Variants in FRMD8 observed in about 807,000 individuals in gnomAD.
FRMD8 encodes the protein FERM domain containing 8, also known as FERM domain-containing protein 8.
FRMD8 carries 37 observed loss-of-function variants against 54.2 expected under a neutral mutation model. The ratio of observed to expected loss-of-function variants is 0.68; its 90% confidence interval spans 0.53 to 0.90. The LOEUF (loss-of-function observed/expected upper bound fraction) is 0.90. FRMD8 is among the 40% of genes least tolerant of loss of function. FRMD8 has a pLI of 0.00. For synonymous variants in FRMD8, 246 were observed against 286.9 expected (o/e 0.86, Z 1.44); for missense variants, 585 against 653.7 (o/e 0.89, Z 1.15).
chr11:65,385,879 C>T (rs1179972464), upstream of FRMD8, among the ~76,000 whole-genome samples: 4 of 151,814 alleles, frequency 2.6e-5, no homozygotes, highest in Non-Finnish European at 5.9e-5. Context: ...ACTGCAGGCT[C>T]CGCCCCCTGG....
At chr11:65,389,087 G>A (rs778338541) in intron 2 of FRMD8, among the ~76,000 whole-genome samples, 1 of 152,162 alleles carries the variant, frequency 6.6e-6, no homozygotes, top group Non-Finnish European at 1.5e-5. Flanking sequence ...GGGGGATTGC[G>A]GTGGGGCTGG....
At chr11:65,394,542 GC>G (rs1855910029) in intron 6 of FRMD8, 117 bp downstream of exon 6, 2 of 1,272,826 alleles carry the variant, frequency 1.6e-6, no homozygotes, top group African/African-American at 3.0e-5. Flanking sequence ...GAGTCAGGAG[GC>G]CTCAGCCCCG....
intron 3 of FRMD8, among the ~76,000 whole-genome samples, chr11:65,391,028 G>C (rs911417388): frequency 6.6e-6 from 1 of 152,210 alleles, no homozygotes; most frequent in Non-Finnish European, 1.5e-5. Flanking sequence ...CTTTTCCCCC[G>C]GCCCCTGCAC....
chr11:65,401,152 C>T (rs1193174805), intron 9 of FRMD8, among the ~76,000 whole-genome samples: 2 of 152,086 alleles, frequency 1.3e-5, no homozygotes, highest in Non-Finnish European at 2.9e-5. Context: ...GACCAGCCTG[C>T]ACCCTCCCCT....
At chr11:65,397,371 C>A (rs764335165) in intron 7 of FRMD8, among the ~76,000 whole-genome samples, 2 of 152,214 alleles carry the variant, frequency 1.3e-5, no homozygotes, top group African/African-American at 4.8e-5. Flanking sequence ...CACTGGAGGT[C>A]CCCCTGAGCC....
rs138836971 is a variant in FRMD8 at position 65,405,059 on chromosome 11, G to A, written c.1267G>A (p.Val423Met). ...RIQHLSTIDY[V>M]EDGKGIRRVK... Reference sequence around the variant, plus strand: ...CCAGCATCTCTCCACCATCGACTACGTGGAGGACGGTGAGCAGCCCTTCTG... The same window carrying A: ...CCAGCATCTCTCCACCATCGACTACATGGAGGACGGTGAGCAGCCCTTCTG... The change falls in exon 10 of 11, where the codon GTG (valine) becomes ATG (methionine). Residue 423 changes from valine to methionine, a missense_variant. Val to Met is a conservative substitution (Grantham distance 21). Transcript: ENST00000317568. The A allele has an allele frequency of 2.2e-5, 36 of 1,613,436 alleles. No individual in the cohort carries two copies. Among genetic ancestry groups the A allele is most frequent in the African/African-American group, 1.9e-4 (14 of 75,072 alleles).
At chr11:65,398,037 G>A (rs932512899) in intron 7 of FRMD8, among the ~76,000 whole-genome samples, 1 of 152,016 alleles carries the variant, frequency 6.6e-6, no homozygotes, top group Non-Finnish European at 1.5e-5. Flanking sequence ...CACTATGCAC[G>A]GCTAATTTTT....
chr11:65,402,632 C>G (rs1159327832), intron 9 of FRMD8, among the ~76,000 whole-genome samples: 1 of 151,872 alleles, frequency 6.6e-6, no homozygotes, highest in East Asian at 1.9e-4. Flanking sequence ...ATCCACCCCC[C>G]AAAAAAAGGC....
intron 8 of FRMD8, 56 bp downstream of exon 8, chr11:65,399,915 G>A (rs1856037017): frequency 1.9e-6 from 3 of 1,568,186 alleles, no homozygotes; most frequent in Non-Finnish European, 2.6e-6. Flanking sequence ...CCTGACTCAG[G>A]TCTTCCTGGT....
chr11:65,399,811 T>C lies in FRMD8; in HGVS notation c.879T>C (p.Ser293=), dbSNP rs374112194. The change falls in exon 8 of 11, where the codon TCT becomes TCC. Residue 293 remains serine, a synonymous_variant. Coordinates refer to ENST00000317568, the MANE Select transcript of FRMD8 (RefSeq NM_031904.5). ...ACCGGGGTGGGCGCAAGCCAGTTTCTGTGGCCATCAGTCTGGAAGGCGTGC... is the reference window on the plus strand; with the variant it reads ...ACCGGGGTGGGCGCAAGCCAGTTTCCGTGGCCATCAGTCTGGAAGGCGTGC... ...FLHRGGRKPV[S]VAISLEGVHV... 2.3e-5 allele frequency: 37 copies of C among 1,613,934 alleles called. No homozygotes were observed. The highest frequency in any genetic ancestry group is 8.5e-7 in the Non-Finnish European group (1 of 1,179,970).
intron 7 of FRMD8, 149 bp from the exon 8 acceptor site, chr11:65,399,587 C>G (rs1229910381): frequency 4.4e-6 from 4 of 917,784 alleles, no homozygotes; most frequent in Non-Finnish European, 6.4e-6. Flanking sequence ...CGAAGCCTCC[C>G]CTTCATCCCA....
At chr11:65,399,239 C>T (rs1415953514) in intron 7 of FRMD8, among the ~76,000 whole-genome samples, 1 of 151,994 alleles carries the variant, frequency 6.6e-6, no homozygotes, top group Non-Finnish European at 1.5e-5. Context: ...GACCTCATGA[C>T]CCGCCTGCCT....
At chr11:65,391,700 G>A (rs1011871039) in intron 3 of FRMD8, among the ~76,000 whole-genome samples, 12 of 151,996 alleles carry the variant, frequency 7.9e-5, no homozygotes, top group East Asian at 1.9e-4. Flanking sequence ...TAGTAGAGAC[G>A]GGGTTTTCCC....
In FRMD8 at chr11:65,411,414, C is replaced by T; in HGVS notation, c.*54C>T. The T allele has an allele frequency of 3.3e-6, 4 of 1,228,200 alleles. No homozygotes were observed. The highest frequency in any genetic ancestry group is 4.5e-6 in the Non-Finnish European group (4 of 890,606). 76.1% of individuals were successfully genotyped at this position (1,228,200 alleles called of 1,614,324 possible). The stretch of plus-strand genomic sequence containing the variant: ...ACTGGGGGCCCTGGCCCGGCACTGT[C>T]CTCCTGAGGGGCAGGCGCCGGCTGC... On this transcript the variant is annotated 3_prime_UTR_variant, in exon 11 of 11. Transcript: ENST00000317568.
At chr11:65,381,831 T>G, upstream of FRMD8, 1 of 1,570,292 alleles carries the variant, frequency 6.4e-7, no homozygotes, top group South Asian at 1.1e-5. Context: ...GACTTTGGTC[T>G]CTGCTCCTCC....
chr11:65,409,402 C>T (rs570961510), intron 10 of FRMD8, among the ~76,000 whole-genome samples: 175 of 152,230 alleles, frequency 1.1e-3, no homozygotes, highest in Non-Finnish European at 2.2e-3. Flanking sequence ...CAAATTTTTA[C>T]GTGCTTGATC....
chr11:65,398,965 A>T (rs1041643389), intron 7 of FRMD8, among the ~76,000 whole-genome samples: 1 of 148,662 alleles, frequency 6.7e-6, no homozygotes, highest in Non-Finnish European at 1.5e-5. Context: ...GCAAGGCTGC[A>T]GGAGGGACAG....
chr11:65,387,729 G>A (rs944857160), intron 2 of FRMD8, among the ~76,000 whole-genome samples: 6 of 152,058 alleles, frequency 3.9e-5, no homozygotes, highest in African/African-American at 1.4e-4. Flanking sequence ...TAGTAGAGAC[G>A]GGGTTTCATC....
At chr11:65,405,648 GC>G (rs998258868) in intron 10 of FRMD8, among the ~76,000 whole-genome samples, 7 of 152,004 alleles carry the variant, frequency 4.6e-5, no homozygotes, top group African/African-American at 1.4e-4. Flanking sequence ...AATAAATAAA[GC>G]GTTGGGTAAA....
Sources: allele counts gnomAD v4.1 joint callset (sites outside exome capture counted in the v4.1 genomes callset), GRCh38; gene constraint gnomAD v4.1.1; transcripts MANE v1.5; gene names NCBI Gene and HGNC (gene_info 2026-07-23, HGNC 2026-07-21).